CRTAC1: variants seen among roughly 807,000 people sequenced by gnomAD.
The protein encoded by CRTAC1 is acidic secreted protein in cartilage.
Under a neutral mutation model 67.8 loss-of-function variants are expected in CRTAC1, and 37 were observed. That is an observed-to-expected ratio of 0.55 (90% CI 0.42 to 0.72). CRTAC1 has a LOEUF of 0.72. Ranked by LOEUF, CRTAC1 falls within the 30% of genes least tolerant of loss-of-function variation. The pLI is 0.00. For missense variants in CRTAC1, 780 were observed against 931.6 expected (o/e 0.84, Z 2.12); for synonymous variants, 348 against 371.0 (o/e 0.94, Z 0.71).
chr10:97,958,423 T>C (rs932747324), intron 2 of CRTAC1, among the ~76,000 whole-genome samples: 6 of 152,208 alleles, frequency 3.9e-5, no homozygotes, highest in African/African-American at 1.4e-4. Flanking sequence ...CCCTGACCCA[T>C]ACCCTAAGCC....
chr10:97,962,598 A>G (rs757848364), intron 2 of CRTAC1, among the ~76,000 whole-genome samples: 5 of 152,216 alleles, frequency 3.3e-5, no homozygotes, highest in African/African-American at 1.2e-4. Flanking sequence ...GGGTTTCACA[A>G]GGAGCTTTGG....
At chr10:97,943,247 G>A (rs1440546667) in intron 2 of CRTAC1, among the ~76,000 whole-genome samples, 2 of 151,924 alleles carry the variant, frequency 1.3e-5, no homozygotes, top group African/African-American at 4.8e-5. Context: ...AAAGGGAAGA[G>A]GAAGCCGACA....
At chr10:97,878,278 A>G (rs949944517) in intron 14 of CRTAC1, 1 of 200,284 alleles carries the variant, frequency 5.0e-6, no homozygotes, top group Non-Finnish European at 1.0e-5. Context: ...GCTTTCTAGA[A>G]GTGGAATGAT....
intron 7 of CRTAC1, among the ~76,000 whole-genome samples, chr10:97,903,066 C>A (rs971746304): frequency 1.3e-5 from 2 of 151,270 alleles, no homozygotes; most frequent in African/African-American, 4.9e-5. Context: ...TAGCACAGTT[C>A]GTGACACATG....
chr10:97,882,054 C>G (rs541339884), intron 13 of CRTAC1, among the ~76,000 whole-genome samples: 96 of 152,302 alleles, frequency 6.3e-4, no homozygotes, highest in Admixed American at 1.4e-3. Context: ...AGAGTGGTAT[C>G]TGTCTTGTTT....
At chr10:97,893,343 T>A (rs1412071821) in intron 11 of CRTAC1, among the ~76,000 whole-genome samples, 1 of 152,198 alleles carries the variant, frequency 6.6e-6, no homozygotes, top group Non-Finnish European at 1.5e-5. Flanking sequence ...ATTAAAATGG[T>A]ATCATCTCAT....
intron 6 of CRTAC1, 137 bp downstream of exon 6, chr10:97,907,876 G>T: frequency 1.2e-6 from 1 of 866,156 alleles, no homozygotes; most frequent in Non-Finnish European, 1.8e-6. Context: ...GCGTTTCTCT[G>T]TGTGGTGCAG....
intron 11 of CRTAC1, among the ~76,000 whole-genome samples, chr10:97,892,418 G>A (rs770623187): frequency 2.0e-4 from 30 of 152,200 alleles, no homozygotes; most frequent in Non-Finnish European, 1.5e-4. Flanking sequence ...AACCACCTAC[G>A]ATACCGTGGT....
intron 2 of CRTAC1, among the ~76,000 whole-genome samples, chr10:97,938,387 T>C (rs2051122438): frequency 6.6e-6 from 1 of 152,184 alleles, no homozygotes; most frequent in Non-Finnish European, 1.5e-5. Flanking sequence ...GTGGAGTGCT[T>C]GGCCTTGTTA....
At chr10:97,978,901 C>T (rs2051849081) in intron 2 of CRTAC1, among the ~76,000 whole-genome samples, 1 of 152,166 alleles carries the variant, frequency 6.6e-6, no homozygotes, top group African/African-American at 2.4e-5. Flanking sequence ...TTCTTCCAGC[C>T]ACTAGAACAC....
At chr10:97,951,097 T>C (rs114563098) in intron 2 of CRTAC1, among the ~76,000 whole-genome samples, 1,977 of 152,276 alleles carry the variant, frequency 0.013, 44 homozygotes, top group African/African-American at 0.045. Context: ...TCAAGACAAA[T>C]GGGCCACGTG....
chr10:97,872,378 CCT>C (rs2050103476), intron 14 of CRTAC1, among the ~76,000 whole-genome samples: 1 of 152,174 alleles, frequency 6.6e-6, no homozygotes. Flanking sequence ...CAGGCTACCC[CCT>C]GAGCTGGGCA....
At chr10:97,878,441 T>C (rs3793696) in intron 14 of CRTAC1, 136,187 of 353,766 alleles carry the variant, frequency 0.38, 26,637 homozygotes, top group Middle Eastern at 0.43. Flanking sequence ...TATCAGAAAA[T>C]GGCAGGGGCT....
intron 2 of CRTAC1, among the ~76,000 whole-genome samples, chr10:97,964,609 AACTTG>A (rs1226789985): frequency 6.6e-6 from 1 of 152,146 alleles, no homozygotes; most frequent in Non-Finnish European, 1.5e-5. Flanking sequence ...GAGCCGCAAA[AACTTG>A]ACTTATTGAC....
rs150500780 is a variant in CRTAC1, at chr10:97,940,999, C to T, written c.225-4633G>A. Reference sequence around the variant, plus strand: ...CTCTGCAGGTATATTTCTTTATTCCCATGTAAAACCAAACTTCTCTCTCCA... The same window carrying T: ...CTCTGCAGGTATATTTCTTTATTCCTATGTAAAACCAAACTTCTCTCTCCA... On this transcript the variant is annotated intron_variant, in intron 2 of 14. Coordinates refer to ENST00000370597, the MANE Select transcript of CRTAC1 (RefSeq NM_018058.7). Among the ~76,000 whole-genome samples, 534 of 152,260 alleles carry T rather than the reference C, an allele frequency of 3.5e-3. 3 individuals are homozygous for T. Among genetic ancestry groups the T allele is most frequent in the Middle Eastern group, 0.01 (3 of 294 alleles).
In CRTAC1 at chr10:97,880,263, C is replaced by T. The variant is rs1326553035; in HGVS notation, c.1805G>A (p.Gly602Asp). The change falls in exon 14 of 15, where the codon GGC (glycine) becomes GAC (aspartate). Residue 602 changes from glycine (G) to aspartate (D), a missense_variant. Gly to Asp is a moderately conservative substitution (Grantham distance 94, BLOSUM62 -1). Coordinates refer to ENST00000370597, the MANE Select transcript of CRTAC1 (RefSeq NM_018058.7). ...GCCCCACTCACCCACGCAGGCTGTG[C>T]CATCCTCGTTGGGCTCGTAGCCCCG... Reference protein sequence around the residue: ...CSRGYEPNEDGTACVGTLGQS... With the variant: ...CSRGYEPNEDDTACVGTLGQS... 1.2e-6 allele frequency: 2 copies of T among 1,614,072 alleles called. No homozygotes were observed. Among genetic ancestry groups the T allele is most frequent in the African/African-American group, 1.3e-5 (1 of 74,948 alleles).
intron 7 of CRTAC1, among the ~76,000 whole-genome samples, chr10:97,904,443 A>G (rs535278618): frequency 1.3e-5 from 2 of 151,858 alleles, no homozygotes; most frequent in South Asian, 4.2e-4. Context: ...TTTATTTGAG[A>G]TGGAGTCTCG....
At chr10:97,961,282 C>G (rs1025153494) in intron 2 of CRTAC1, among the ~76,000 whole-genome samples, 1 of 152,056 alleles carries the variant, frequency 6.6e-6, no homozygotes, top group African/African-American at 2.4e-5. Flanking sequence ...ACATGATATT[C>G]TATCCCCAAA....
chr10:98,010,038 A>G (rs1590288904), intron 2 of CRTAC1, among the ~76,000 whole-genome samples: 1 of 150,838 alleles, frequency 6.6e-6, no homozygotes, highest in African/African-American at 2.4e-5. Flanking sequence ...CTCAATGCAC[A>G]ATCTTTTTTT....
Sources: gnomAD v4.1 joint callset for allele counts (sites outside exome capture counted in the v4.1 genomes callset) on GRCh38, gnomAD v4.1.1 for gene constraint, MANE v1.5 for transcripts, NCBI Gene and HGNC (gene_info 2026-07-23, HGNC 2026-07-21) for gene names.